MATR3: variants seen among roughly 807,000 people sequenced by gnomAD.
MATR3 encodes matrin 3.
In MATR3, 4 loss-of-function variants were observed where a neutral mutation model predicts 85.5. The observed-to-expected ratio is 0.05, with a 90% confidence interval of 0.02 to 0.11. The LOEUF (loss-of-function observed/expected upper bound fraction) is 0.11, where lower values mean the gene tolerates loss of function less well. MATR3 is among the 10% of genes least tolerant of loss of function. The pLI is 1.00. For synonymous variants in MATR3, 336 were observed against 343.1 expected, an observed-to-expected ratio of 0.98 and a Z score of 0.23; for missense variants, 685 against 1,016.1, an observed-to-expected ratio of 0.67 and a Z score of 4.43.
chr5:139,327,072 T>G (rs1393545783), intron 14 of MATR3, among the ~76,000 whole-genome samples: 1 of 152,190 alleles, frequency 6.6e-6, no homozygotes, highest in East Asian at 1.9e-4. Context: ...TGAGATATAT[T>G]GAAATTTGTT....
chr5:139,331,274 TC>T lies in MATR3; in HGVS notation c.*1880del. Reference sequence around the variant, plus strand: ...CACAAAAAATCCTTGCCAGTTTACTTCTGCAATTTAATTTTAGCCTTTACTA... The same window carrying T: ...CACAAAAAATCCTTGCCAGTTTACTTTGCAATTTAATTTTAGCCTTTACTA... On this transcript the variant is annotated 3_prime_UTR_variant, in exon 15 of 15. Coordinates refer to ENST00000394805, the MANE Select transcript of MATR3 (RefSeq NM_018834.6). 1 of 454,180 alleles carries T rather than the reference TC, an allele frequency of 2.2e-6. No homozygotes were observed. Among genetic ancestry groups the T allele is most frequent in the Non-Finnish European group, 4.4e-6 (1 of 226,800 alleles). The allele number at this position is 454,180 out of a possible 1,614,324, so 28.1% of individuals were successfully genotyped here. A position where few individuals can be genotyped will look rare whatever the true frequency, so the allele number is the denominator to read the frequency against.
intron 3 of MATR3, among the ~76,000 whole-genome samples, chr5:139,284,823 C>T (rs958184946): frequency 2.0e-4 from 30 of 152,236 alleles, no homozygotes; most frequent in Admixed American, 5.2e-4. Context: ...GAGGATATAA[C>T]TTATAACCAG....
In MATR3 at chr5:139,330,538, G is replaced by A. The variant is rs1357784533; in HGVS notation, c.*1143G>A. ...TCTAGAGTGAATTCTAAAGACTGCC[G>A]CTAAAGATCTGAGTTTTAAAAATGT... On this transcript the variant is annotated 3_prime_UTR_variant, in exon 15 of 15. Transcript: ENST00000394805. The A allele has an allele frequency of 2.0e-5, 9 of 453,936 alleles. No individual in the cohort carries two copies. The highest frequency in any genetic ancestry group is 2.6e-5 in the Non-Finnish European group (6 of 226,794). The allele number at this position is 453,936 out of a possible 1,614,324, so 28.1% of individuals were successfully genotyped here.
chr5:139,302,425 T>C (rs1325724959), intron 1 of MATR3, among the ~76,000 whole-genome samples: 2 of 152,202 alleles, frequency 1.3e-5, no homozygotes, highest in East Asian at 3.8e-4. Context: ...AATGAAATAA[T>C]TGTTACAAAA....
At chr5:139,320,564 C>A (rs1208573573) in intron 9 of MATR3, among the ~76,000 whole-genome samples, 1 of 152,110 alleles carries the variant, frequency 6.6e-6, no homozygotes, top group Non-Finnish European at 1.5e-5. Flanking sequence ...GATTGTGCCA[C>A]TGTACTTCAG....
chr5:139,290,549 CT>C (rs1294438822), upstream of MATR3, among the ~76,000 whole-genome samples: 5 of 148,834 alleles, frequency 3.4e-5, no homozygotes, highest in East Asian at 4.1e-4. Context: ...TCAGCCACCC[CT>C]GACCCTGTCT....
chr5:139,280,353 T>G (rs1581199180), intron 3 of MATR3, among the ~76,000 whole-genome samples: 1 of 152,236 alleles, frequency 6.6e-6, no homozygotes, highest in South Asian at 2.1e-4. Flanking sequence ...AATTCAGGCC[T>G]TGAAAGTTGA....
chr5:139,297,134 C>T (rs1754197513), intron 1 of MATR3, among the ~76,000 whole-genome samples: 1 of 152,082 alleles, frequency 6.6e-6, no homozygotes, highest in Non-Finnish European at 1.5e-5. Context: ...GCCGAGGTGG[C>T]GCCACTGCAT....
At chr5:139,298,861 TTCA>T (rs1334766823) in intron 1 of MATR3, among the ~76,000 whole-genome samples, 3 of 152,316 alleles carry the variant, frequency 2.0e-5, no homozygotes, top group Admixed American at 6.5e-5. Flanking sequence ...AACTTAAATG[TTCA>T]TCATCTGCAG....
Position 139,325,385 on chromosome 5 carries a change from G to A in MATR3, c.2149-55G>A, listed in dbSNP as rs567613521. On this transcript the variant is annotated intron_variant, in intron 12 of 14. Transcript: ENST00000394805. ...CGGAACTTCAGAAACTTCGTAAATC[G>A]GGCATGGCATTTAAATCTGGTGACA... The A allele has an allele frequency of 2.5e-5, 40 of 1,588,660 alleles. No individual in the cohort carries two copies. The African/African-American group carries it at 2.7e-4, about 11-fold the overall frequency.
chr5:139,324,294 T>TC lies in MATR3; in HGVS notation c.2149-1146_2149-1145insC, dbSNP rs1186816365. On this transcript the variant is annotated intron_variant, in intron 12 of 14. Transcript: ENST00000394805. ...GTCATTCTTCAGAGCATGATTGTTT[T>TC]TTTTTTTTTTTTTTTTGGAGACGGA... 3.4e-5 allele frequency among the ~76,000 whole-genome samples: 5 copies of TC among 145,364 alleles called. No individual in the cohort carries two copies. The South Asian group carries it at 1.1e-3, about 33-fold the overall frequency.
rs1477003760 is a variant in MATR3 at position 139,325,432 on chromosome 5, A to G, written c.2149-8A>G. 2 of 1,542,252 alleles carry G rather than the reference A, an allele frequency of 1.3e-6. No homozygotes were observed. Among genetic ancestry groups the G allele is most frequent in the Non-Finnish European group, 1.8e-6 (2 of 1,124,418 alleles). On this transcript the variant is annotated splice_polypyrimidine_tract_variant and splice_region_variant and intron_variant, in intron 12 of 14. Transcript: ENST00000394805. ...GACAAAAATGATGATGGTTTGGTTG[A>G]AATTAAGGTGGACAAGATCGAGGAA...
chr5:139,308,479 T>A, intron 2 of MATR3, 152 bp downstream of exon 2: 1 of 913,584 alleles, frequency 1.1e-6, no homozygotes, highest in Non-Finnish European at 1.7e-6. Context: ...AAGGTAATTG[T>A]TTTTGAGCAT....
chr5:139,329,492 CTA>C lies in MATR3; in HGVS notation c.*99_*100del, dbSNP rs1428034448. ...TACAATACTGATAGTTAGAAGAAAA[CTA>C]TTGTACTCTTTTGTTTTAGTGGAGA... is the stretch of plus-strand genomic sequence containing the variant. On this transcript the variant is annotated 3_prime_UTR_variant, in exon 15 of 15. Transcript: ENST00000394805. 3 of 1,004,950 alleles carry C rather than the reference CTA, an allele frequency of 3.0e-6. No homozygotes were observed. The highest frequency in any genetic ancestry group is 3.2e-5 in the African/African-American group (2 of 62,580). 62.3% of individuals were successfully genotyped at this position (1,004,950 alleles called of 1,614,324 possible).
intron 1 of MATR3, among the ~76,000 whole-genome samples, chr5:139,302,002 A>G (rs1754471144): frequency 6.6e-6 from 1 of 152,218 alleles, no homozygotes; most frequent in African/African-American, 2.4e-5. Context: ...CGTCTGTTAG[A>G]TGGATTAAGA....
At chr5:139,317,503 T>C in intron 6 of MATR3, 93 bp from the exon 7 acceptor site, 1 of 1,240,504 alleles carries the variant, frequency 8.1e-7, no homozygotes, top group Non-Finnish European at 1.2e-6. Flanking sequence ...ACTCTCCTGG[T>C]TAATTATAGA....
intron 2 of MATR3, chr5:139,278,831 C>T (rs1376242915): frequency 1.9e-6 from 1 of 517,094 alleles, no homozygotes; most frequent in African/African-American, 1.9e-5. Context: ...GATGGTGTTA[C>T]ACTGTTGGAA....
At chr5:139,314,779 A>C in intron 3 of MATR3, 43 bp downstream of exon 3, 1 of 1,569,898 alleles carries the variant, frequency 6.4e-7, no homozygotes, top group Non-Finnish European at 8.8e-7. Flanking sequence ...ATCGTGAATC[A>C]GAATCAGCCA....
intron 2 of MATR3, among the ~76,000 whole-genome samples, chr5:139,276,966 C>G (rs1437609741): frequency 6.6e-6 from 1 of 152,138 alleles, no homozygotes; most frequent in Non-Finnish European, 1.5e-5. Context: ...ACACTAATTT[C>G]TCCTTTGGGC....
Sources: gnomAD v4.1 joint callset for allele counts (sites outside exome capture counted in the v4.1 genomes callset) on GRCh38, gnomAD v4.1.1 for gene constraint, MANE v1.5 for transcripts, NCBI Gene and HGNC (gene_info 2026-07-23, HGNC 2026-07-21) for gene names.